Variants in KCND2 observed in about 807,000 individuals in gnomAD.
KCND2 encodes the protein potassium voltage-gated channel subfamily D member 2, also known as A-type voltage-gated potassium channel KCND2.
KCND2 carries 16 observed loss-of-function variants against 54.4 expected under a neutral mutation model. The ratio of observed to expected loss-of-function variants is 0.29; its 90% CI spans 0.20 to 0.45. KCND2 has a LOEUF of 0.45. Ranked by LOEUF, KCND2 falls within the 20% of genes least tolerant of loss-of-function variation. The pLI, the probability that KCND2 is intolerant of heterozygous loss-of-function variation, is 1.00. For missense variants in KCND2, 486 were observed against 824.2 expected (o/e 0.59, Z 5.02); for synonymous variants, 317 against 310.7 (o/e 1.02, Z -0.21).
chr7:120,300,592 AATT>A (rs764611514), intron 1 of KCND2, among the ~76,000 whole-genome samples: 9 of 152,130 alleles, frequency 5.9e-5, no homozygotes, highest in Admixed American at 5.9e-4. Flanking sequence ...ACAGATCTAA[AATT>A]ATATTCTTGA....
At chr7:120,426,011 C>A (rs557163014) in intron 1 of KCND2, among the ~76,000 whole-genome samples, 1 of 151,778 alleles carries the variant, frequency 6.6e-6, no homozygotes, top group Non-Finnish European at 1.5e-5. Context: ...AAAATAGCAC[C>A]TGTTAATTTC....
chr7:120,533,144 A>T (rs1342813965), intron 1 of KCND2, among the ~76,000 whole-genome samples: 3 of 152,114 alleles, frequency 2.0e-5, no homozygotes, highest in Non-Finnish European at 4.4e-5. Context: ...TCATTTACAG[A>T]TTATTTCACC....
intron 1 of KCND2, among the ~76,000 whole-genome samples, chr7:120,638,843 ATTAC>A (rs1793337928): frequency 6.6e-6 from 1 of 152,072 alleles, no homozygotes; most frequent in African/African-American, 2.4e-5. Context: ...AGATGTATAG[ATTAC>A]TTAAAGTTAC....
chr7:120,746,141 G>A, intron 5 of KCND2, 114 bp downstream of exon 5: 3 of 1,247,308 alleles, frequency 2.4e-6, no homozygotes, highest in Non-Finnish European at 3.4e-6. Flanking sequence ...TATGGTTCAG[G>A]AAGAGACAAA....
intron 1 of KCND2, among the ~76,000 whole-genome samples, chr7:120,323,471 C>T (rs1799925692): frequency 6.6e-6 from 1 of 150,908 alleles, no homozygotes; most frequent in East Asian, 2.0e-4. Context: ...ACAACAGTCC[C>T]CAGAGTGTGA....
At chr7:120,583,093 A>G (rs1158467344) in intron 1 of KCND2, among the ~76,000 whole-genome samples, 1 of 152,074 alleles carries the variant, frequency 6.6e-6, no homozygotes, top group Non-Finnish European at 1.5e-5. Context: ...TCTCTTACTC[A>G]TAGTTAAGAT....
intron 1 of KCND2, among the ~76,000 whole-genome samples, chr7:120,314,893 C>A (rs984722652): frequency 6.6e-6 from 1 of 152,136 alleles, no homozygotes; most frequent in East Asian, 1.9e-4. Context: ...TTATACCTTG[C>A]AAGCTTAAGT....
intron 1 of KCND2, among the ~76,000 whole-genome samples, chr7:120,573,142 C>T (rs1025905530): frequency 5.9e-5 from 9 of 152,136 alleles, no homozygotes; most frequent in Admixed American, 3.9e-4. Flanking sequence ...TTAAAAATTC[C>T]GCTAAAACAG....
At chr7:120,718,411 G>A (rs537998603) in intron 1 of KCND2, among the ~76,000 whole-genome samples, 1 of 152,174 alleles carries the variant, frequency 6.6e-6, no homozygotes, top group South Asian at 2.1e-4. Context: ...ATATTTAAAT[G>A]GTTAGGAAAA....
intron 1 of KCND2, among the ~76,000 whole-genome samples, chr7:120,457,141 C>A (rs1802211428): frequency 6.6e-6 from 1 of 152,142 alleles, no homozygotes; most frequent in Non-Finnish European, 1.5e-5. Context: ...ATTAGGGGAT[C>A]CCCGGGCCTG....
At chr7:120,711,562 A>G (rs1396902986) in intron 1 of KCND2, among the ~76,000 whole-genome samples, 1 of 152,178 alleles carries the variant, frequency 6.6e-6, no homozygotes, top group Non-Finnish European at 1.5e-5. Context: ...TTAAGCTAGA[A>G]AGGGGACCCA....
At chr7:120,459,724 AAC>A (rs749479146) in intron 1 of KCND2, among the ~76,000 whole-genome samples, 2 of 152,208 alleles carry the variant, frequency 1.3e-5, no homozygotes, top group Non-Finnish European at 2.9e-5. Context: ...GAAGGATAAA[AAC>A]ACACAGAAAT....
At chr7:120,400,554 A>G (rs1221904505) in intron 1 of KCND2, among the ~76,000 whole-genome samples, 1 of 152,204 alleles carries the variant, frequency 6.6e-6, no homozygotes, top group Non-Finnish European at 1.5e-5. Flanking sequence ...CTAGAAAGCA[A>G]CAAATTGTTT....
intron 1 of KCND2, among the ~76,000 whole-genome samples, chr7:120,585,347 T>C (rs1008110418): frequency 3.9e-5 from 6 of 152,056 alleles, no homozygotes; most frequent in African/African-American, 1.4e-4. Context: ...ATAGTGAAGG[T>C]AAAGAAAGTC....
chr7:120,638,129 C>T (rs145484236), intron 1 of KCND2, among the ~76,000 whole-genome samples: 35 of 152,240 alleles, frequency 2.3e-4, no homozygotes, highest in African/African-American at 7.2e-4. Flanking sequence ...GGATTAGGAT[C>T]TTCCGCAGAA....
chr7:120,705,389 A>G (rs948913441), intron 1 of KCND2, among the ~76,000 whole-genome samples: 5 of 152,194 alleles, frequency 3.3e-5, no homozygotes, highest in Admixed American at 2.6e-4. Flanking sequence ...GACAGGCAAC[A>G]TGGTAAAAGG....
chr7:120,292,916 C>A (rs1339295215), intron 1 of KCND2, among the ~76,000 whole-genome samples: 1 of 151,740 alleles, frequency 6.6e-6, no homozygotes. Context: ...TCCTCTGAAG[C>A]TGATCTGACT....
chr7:120,331,464 C>T (rs1465339857), intron 1 of KCND2, among the ~76,000 whole-genome samples: 1 of 151,324 alleles, frequency 6.6e-6, no homozygotes. Flanking sequence ...ATCCTGGGAT[C>T]CCAGAGATGC....
At chr7:120,290,703 C>T (rs1056275753) in intron 1 of KCND2, among the ~76,000 whole-genome samples, 16 of 151,872 alleles carry the variant, frequency 1.1e-4, no homozygotes, top group African/African-American at 3.9e-4. Context: ...ATTCAATATC[C>T]TGTACATTAA....
Sources: gnomAD v4.1 joint callset for allele counts (sites outside exome capture counted in the v4.1 genomes callset) on GRCh38, gnomAD v4.1.1 for gene constraint, MANE v1.5 for transcripts, NCBI Gene and HGNC (gene_info 2026-07-23, HGNC 2026-07-21) for gene names.